The following LENG8 variants were observed in gnomAD, a reference collection of about 807,000 sequenced individuals.
LENG8 encodes the protein leukocyte receptor cluster (LRC) member 8.
In LENG8, 28 loss-of-function variants were observed where a neutral mutation model predicts 102.1. The observed-to-expected ratio is 0.27, with a 90% CI of 0.20 to 0.38. The LOEUF (loss-of-function observed/expected upper bound fraction) is 0.38. Ranked by LOEUF, LENG8 falls within the 10% of genes least tolerant of loss-of-function variation. The pLI is 1.00. For missense variants in LENG8, 1,022 were observed against 1,113.9 expected, an observed-to-expected ratio of 0.92 and a Z score of 1.17; for synonymous variants, 531 against 456.7, an observed-to-expected ratio of 1.16 and a Z score of -2.07.
chr19:54,458,293 C>T, intron 14 of LENG8, 21 bp from the exon 15 acceptor site: 1 of 1,613,180 alleles, frequency 6.2e-7, no homozygotes. Flanking sequence ...GCTGACTTCA[C>T]CCTCTTTGTC....
At position 54,456,364 on chromosome 19, in the gene LENG8, T is replaced by C; in HGVS notation, c.1344T>C (p.Asn448=). The C allele has an allele frequency of 6.2e-7, 1 of 1,613,386 alleles. No individual in the cohort carries two copies. Among genetic ancestry groups the C allele is most frequent in the South Asian group, 1.1e-5 (1 of 91,078 alleles). Residue 448 remains asparagine, a synonymous_variant, in exon 10 of 16, where the codon AAT becomes AAC. Coordinates refer to ENST00000326764, the MANE Select transcript of LENG8 (RefSeq NM_052925.4). ...HSDSDSSYSG[N]ECHPVGRRNP... ...ACTCCGACAGCTCCTACTCAGGGAA[T>C]GAGTGTCACCCTGTGGGCCGCAGGA...
chr19:54,456,658 C>T lies in LENG8; in HGVS notation c.1468C>T (p.Arg490Cys), dbSNP rs1311372611. 11 of 1,612,208 alleles carry T rather than the reference C, an allele frequency of 6.8e-6. No individual in the cohort carries two copies. The highest frequency in any genetic ancestry group is 2.2e-5 in the East Asian group (1 of 44,834). The change falls in exon 11 of 16, where the codon CGC (arginine) becomes TGC (cysteine). Residue 490 changes from arginine (R) to cysteine (C), a missense_variant. This residue lies in a region of LENG8 where 326 missense variants were observed against 324.5 expected (regional missense o/e 1.00). Coordinates refer to ENST00000326764, the MANE Select transcript of LENG8 (RefSeq NM_052925.4). ...GKRHDLAPTK[R>C]SRKKMAALEC... ...TAGGCACGATCTGGCGCCCACCAAG[C>T]GCAGTCGAAAGAAGATGGCGGCGCT...
rs201034685 is a variant in LENG8 at position 54,457,742 on chromosome 19, T to C, written c.1732-5T>C. ...TCCGAGTGTGAATTCAGTTCCCTTT[T>C]TCAGGTTTTGAAAAAGTCGCTGTGC... On this transcript the variant is annotated splice_polypyrimidine_tract_variant and splice_region_variant and intron_variant, in intron 11 of 15. Coordinates refer to ENST00000326764, the MANE Select transcript of LENG8 (RefSeq NM_052925.4). The C allele has an allele frequency of 8.7e-6, 14 of 1,609,688 alleles. No individual in the cohort carries two copies. The African/African-American group carries it at 1.7e-4, about 20-fold the overall frequency.
At chr19:54,459,941 T>C in intron 15 of LENG8, 1 of 1,204,432 alleles carries the variant, frequency 8.3e-7, no homozygotes, top group Non-Finnish European at 1.1e-6. Flanking sequence ...TGGGCGAGTG[T>C]CCTTGTTAAT....
In LENG8 at chr19:54,461,795, C is replaced by G. The variant is rs745552100; in HGVS notation, c.*867C>G. 1.4e-4 allele frequency: 91 copies of G among 629,544 alleles called. No individual in the cohort carries two copies. The highest frequency in any genetic ancestry group is 2.3e-4 in the Admixed American group (11 of 47,140). 39.0% of individuals were successfully genotyped at this position (629,544 alleles called of 1,614,324 possible). A position where few individuals can be genotyped will look rare whatever the true frequency, so the allele number is the denominator to read the frequency against. ...TATTTTTCTTCCTCCTCTCCCTTTT[C>G]TTTTTGGCCCTCCCTCCCTCCCTCT... is the stretch of plus-strand genomic sequence containing the variant. On this transcript the variant is annotated 3_prime_UTR_variant, in exon 16 of 16. Transcript: ENST00000326764.
rs2084386530 is a variant in LENG8, at chr19:54,458,778, C to G, written c.2240+257C>G. ...GCTCACTGCCTCTGGGGCCTCTTCT[C>G]CACCCCATCTGTGTGTCTCTTCCTC... On this transcript the variant is annotated intron_variant, in intron 15 of 15. Coordinates refer to ENST00000326764, the MANE Select transcript of LENG8 (RefSeq NM_052925.4). 4 of 1,551,104 alleles carry G rather than the reference C, an allele frequency of 2.6e-6. No individual in the cohort carries two copies. The South Asian group carries it at 4.8e-5, about 18-fold the overall frequency.
In LENG8 at chr19:54,458,333, A is replaced by C. The variant is rs769011564; in HGVS notation, c.2052A>C (p.Ala684=). ...TGCTAGACATCACCACGGAGCTGGCATACCTCACACGAGAACTGAAGGCAG... is the reference window on the plus strand; with the variant it reads ...TGCTAGACATCACCACGGAGCTGGCCTACCTCACACGAGAACTGAAGGCAG... ...KNSGDITTEL[A]YLTRELKADP... The change falls in exon 15 of 16, where the codon GCA becomes GCC. Residue 684 remains alanine, a synonymous_variant. Transcript: ENST00000326764. 12 of 1,613,976 alleles carry C rather than the reference A, an allele frequency of 7.4e-6. No individual in the cohort carries two copies. Among genetic ancestry groups the C allele is most frequent in the Non-Finnish European group, 1.0e-5 (12 of 1,179,976 alleles).
rs911675050 is a variant in LENG8 at position 54,461,934 on chromosome 19, T to C, written c.*1006T>C. 8 of 908,966 alleles carry C rather than the reference T, an allele frequency of 8.8e-6. No individual in the cohort carries two copies. Among genetic ancestry groups the C allele is most frequent in the Middle Eastern group, 4.3e-4 (2 of 4,616 alleles). The allele number at this position is 908,966 out of a possible 1,614,324, so 56.3% of individuals were successfully genotyped here. On this transcript the variant is annotated 3_prime_UTR_variant, in exon 16 of 16. Transcript: ENST00000326764. ...CCCTTCCCCTCCTCTCCCCTCCTTT[T>C]CCTTCCTTCCTTCCTTTCCTTGGAG...
At chr19:54,458,903 A>T in intron 15 of LENG8, 5 of 1,542,154 alleles carry the variant, frequency 3.2e-6, no homozygotes, top group Non-Finnish European at 4.4e-6. Context: ...TGCTCCCACC[A>T]TAGAGACCAT....
chr19:54,450,277 C>T (rs1439112553), intron 1 of LENG8, among the ~76,000 whole-genome samples: 1 of 152,172 alleles, frequency 6.6e-6, no homozygotes, highest in Non-Finnish European at 1.5e-5. Flanking sequence ...TGAGGACTCC[C>T]ACGTAGGTCT....
rs762102522 is a variant in LENG8 at position 54,456,764 on chromosome 19, G to A, written c.1574G>A (p.Arg525His). The A allele has an allele frequency of 1.5e-5, 24 of 1,611,474 alleles. No homozygotes were observed. The highest frequency in any genetic ancestry group is 5.5e-5 in the South Asian group (5 of 90,858). Residue 525 changes from arginine (R) to histidine (H), a missense_variant, in exon 11 of 16, where the codon CGC becomes CAC. Transcript: ENST00000326764. ...CAGCACGGACACTCCCGCCGCCTGC[G>A]CCTCGAGCCCCTGGTGCTGCAGATG... ...RFQHGHSRRL[R>H]LEPLVLQMSS...
Position 54,458,342 on chromosome 19 carries a change from A to G in LENG8, c.2061A>G (p.Thr687=), listed in dbSNP as rs762305069. ...TCACCACGGAGCTGGCATACCTCAC[A>G]CGAGAACTGAAGGCAGATCCTTGCG... The part of the protein sequence containing the change: ...GDITTELAYL[T]RELKADPCVA... Residue 687 remains threonine (T), a synonymous_variant, in exon 15 of 16, where the codon ACA becomes ACG. Coordinates refer to ENST00000326764, the MANE Select transcript of LENG8 (RefSeq NM_052925.4). The G allele has an allele frequency of 6.2e-6, 10 of 1,613,898 alleles. No individual in the cohort carries two copies. The Admixed American group carries it at 1.5e-4, about 24-fold the overall frequency.
intron 6 of LENG8, 81 bp from the exon 7 acceptor site, chr19:54,454,870 C>T (rs1230307458): frequency 4.5e-6 from 7 of 1,571,032 alleles, no homozygotes; most frequent in Non-Finnish European, 5.2e-6. Context: ...CTCCTCCCTG[C>T]ATTTCCACTT....
Position 54,453,673 on chromosome 19 carries a change from G to A in LENG8, c.426+17G>A, listed in dbSNP as rs773970574. On this transcript the variant is annotated intron_variant, in intron 5 of 15. Coordinates refer to ENST00000326764, the MANE Select transcript of LENG8 (RefSeq NM_052925.4). The stretch of plus-strand genomic sequence containing the variant: ...CTGAACCAGGTAACATCCTAGCCCA[G>A]CTCCCATACCCTGCTCAAGCAGAGG... 27 of 1,563,722 alleles carry A rather than the reference G, an allele frequency of 1.7e-5. No individual in the cohort carries two copies. In the East Asian group the frequency reaches 3.8e-4, roughly 22 times the overall value.
rs376680775 is a variant in LENG8, at chr19:54,451,314, C to A, written c.-31C>A. On this transcript the variant is annotated 5_prime_UTR_variant, in exon 2 of 16. Coordinates refer to ENST00000326764, the MANE Select transcript of LENG8 (RefSeq NM_052925.4). The stretch of plus-strand genomic sequence containing the variant: ...GACAGTGAAAAAGCAGTCTGGCTCC[C>A]GAGGTCCACCCCTTATACCCCAAGG... 3 of 1,613,608 alleles carry A rather than the reference C, an allele frequency of 1.9e-6. No homozygotes were observed. The highest frequency in any genetic ancestry group is 2.7e-5 in the African/African-American group (2 of 74,914).
intron 4 of LENG8, 60 bp from the exon 5 acceptor site, chr19:54,453,486 G>T: frequency 8.9e-7 from 1 of 1,122,104 alleles, no homozygotes. Context: ...TTCCTGAGCA[G>T]GCTGGGGAAG....
chr19:54,460,619 G>A lies in LENG8; in HGVS notation c.2241-147G>A, dbSNP rs1600015930. ...GGGCCCCCCCCGAGCCCCTGAGGTG[G>A]GGAGGCTGGGAGGCGGGTGGGGAGC... On this transcript the variant is annotated intron_variant, in intron 15 of 15. Transcript: ENST00000326764. The A allele has an allele frequency of 6.3e-6, 9 of 1,431,754 alleles. No individual in the cohort carries two copies. In the East Asian group the frequency reaches 2.3e-4, roughly 37 times the overall value. 88.7% of individuals were successfully genotyped at this position (1,431,754 alleles called of 1,614,324 possible).
intron 1 of LENG8, among the ~76,000 whole-genome samples, chr19:54,450,458 A>G (rs1004397773): frequency 6.6e-5 from 10 of 151,770 alleles, no homozygotes; most frequent in African/African-American, 2.2e-4. Context: ...CTCTTCTCCA[A>G]TATTCTTCCA....
intron 8 of LENG8, 73 bp downstream of exon 8, chr19:54,455,640 A>T: frequency 7.5e-7 from 1 of 1,339,866 alleles, no homozygotes; most frequent in South Asian, 1.2e-5. Flanking sequence ...GAGGTAGGAG[A>T]GTTGCGGGTC....
Sources: allele counts gnomAD v4.1 joint callset (sites outside exome capture counted in the v4.1 genomes callset), GRCh38; gene constraint gnomAD v4.1.1; regional missense constraint gnomAD v4.1.1; transcripts MANE v1.5; gene names NCBI Gene and HGNC (gene_info 2026-07-23, HGNC 2026-07-21).